RAPH1: variants seen among roughly 807,000 people sequenced by gnomAD.
RAPH1 encodes Ras association (RalGDS/AF-6) and pleckstrin homology domains 1.
A neutral mutation model predicts 88.1 loss-of-function variants in RAPH1; 18 were observed. The ratio of observed to expected loss-of-function variants is 0.20; its 90% CI spans 0.14 to 0.30. The LOEUF is 0.30. Ranked by LOEUF, RAPH1 falls within the 10% of genes least tolerant of loss-of-function variation. The pLI is 1.00. For missense variants in RAPH1, 1,448 were observed against 1,543.2 expected, an observed-to-expected ratio of 0.94 and a Z score of 1.03; for synonymous variants, 587 against 559.0, an observed-to-expected ratio of 1.05 and a Z score of -0.71.
intron 4 of RAPH1, among the ~76,000 whole-genome samples, chr2:203,485,295 C>T (rs1687915533): frequency 6.6e-6 from 1 of 151,840 alleles, no homozygotes; most frequent in Non-Finnish European, 1.5e-5. Context: ...CTTGTAATCC[C>T]TGCTACTCGG....
chr2:203,491,039 T>C lies in RAPH1; in HGVS notation c.226+175A>G, dbSNP rs377504971. Among the ~76,000 whole-genome samples the C allele has an allele frequency of 1.7e-3, 251 of 143,500 alleles. 3 individuals carry two copies. The highest frequency in any genetic ancestry group is 6.2e-3 in the African/African-American group (242 of 38,914). 94.1% of individuals were successfully genotyped at this position (143,500 alleles called of 152,430 possible). On this transcript the variant is annotated intron_variant, in intron 3 of 13. Coordinates refer to ENST00000319170, the MANE Select transcript of RAPH1 (RefSeq NM_213589.3). The stretch of plus-strand genomic sequence containing the variant: ...AGCCTGGGCGACAAAAGCGAAACTC[T>C]GTCTCAAAAAAAAAAAAAAAAGAAA...
chr2:203,438,407 A>G lies in RAPH1; in HGVS notation c.*1030T>C. 2.9e-6 allele frequency: 1 copy of G among 345,840 alleles called. No individual in the cohort carries two copies. The allele number at this position is 345,840 out of a possible 1,614,324, so 21.4% of individuals were successfully genotyped here. On this transcript the variant is annotated 3_prime_UTR_variant, in exon 14 of 14. Coordinates refer to ENST00000319170, the MANE Select transcript of RAPH1 (RefSeq NM_213589.3). ...TTTTCATAATGCACCATATTGGGGC[A>G]CAGGATGTGTATATTTCATATACCA...
chr2:203,458,638 G>A (rs929978088), intron 7 of RAPH1, among the ~76,000 whole-genome samples: 3 of 152,144 alleles, frequency 2.0e-5, no homozygotes, highest in Non-Finnish European at 2.9e-5. Context: ...GTACTCAAGC[G>A]TGGCATATTC....
chr2:203,454,072 TAA>T (rs2098517146), intron 10 of RAPH1, among the ~76,000 whole-genome samples: 1 of 152,112 alleles, frequency 6.6e-6, no homozygotes, highest in Non-Finnish European at 1.5e-5. Flanking sequence ...GTTTGCTGAG[TAA>T]GTACAGGAAA....
intron 1 of RAPH1, among the ~76,000 whole-genome samples, chr2:203,499,984 C>G (rs1250557863): frequency 6.6e-6 from 1 of 152,154 alleles, no homozygotes; most frequent in Non-Finnish European, 1.5e-5. Flanking sequence ...AGATACAGGA[C>G]AGCAGAGTGC....
rs2098501077 is a variant in RAPH1 at position 203,439,297 on chromosome 2, C to A, written c.*140G>T. On this transcript the variant is annotated 3_prime_UTR_variant, in exon 14 of 14. Coordinates refer to ENST00000319170, the MANE Select transcript of RAPH1 (RefSeq NM_213589.3). Reference sequence around the variant, plus strand: ...ACAGCTGTGTGTACATGCACGTGTACACACACACATACACATATAGCTGGA... The same window carrying A: ...ACAGCTGTGTGTACATGCACGTGTAAACACACACATACACATATAGCTGGA... The A allele has an allele frequency of 1.4e-5, 10 of 697,810 alleles. No individual in the cohort carries two copies. In the South Asian group the frequency reaches 1.8e-4, roughly 13 times the overall value. 43.2% of individuals were successfully genotyped at this position (697,810 alleles called of 1,614,324 possible). A position where few individuals can be genotyped will look rare whatever the true frequency, so the allele number is the denominator to read the frequency against.
At chr2:203,510,804 A>T (rs1457498595) in intron 1 of RAPH1, among the ~76,000 whole-genome samples, 1 of 152,182 alleles carries the variant, frequency 6.6e-6, no homozygotes, top group Non-Finnish European at 1.5e-5. Context: ...ACACTTTAAA[A>T]GAGTAAATGT....
chr2:203,481,908 A>G (rs915913524), intron 4 of RAPH1, among the ~76,000 whole-genome samples: 40 of 151,508 alleles, frequency 2.6e-4, no homozygotes, highest in African/African-American at 9.0e-4. Flanking sequence ...GGCCACATGA[A>G]TATATTTCTA....
At position 203,439,523 on chromosome 2, in the gene RAPH1, T is replaced by C. The variant is rs201909094; in HGVS notation, c.3667A>G (p.Ile1223Val). The C allele has an allele frequency of 2.5e-5, 40 of 1,614,092 alleles. No homozygotes were observed. Among genetic ancestry groups the C allele is most frequent in the South Asian group, 9.9e-5 (9 of 91,084 alleles). The change falls in exon 14 of 14, where the codon ATA becomes GTA. Residue 1223 changes from isoleucine (I) to valine (V), a missense_variant. This residue lies in a region of RAPH1 where 935 missense variants were observed against 890.1 expected (regional missense o/e 1.05). Transcript: ENST00000319170. ...QQKAGYGGSH[I>V]SGYATLRRGP... ...CTCCGCAACGTTGCATAGCCTGATA[T>C]ATGACTGCCTCCGTAACCAGCCTTC...
chr2:203,446,391 T>TG (rs2098509687), intron 12 of RAPH1: 1 of 152,206 alleles, frequency 6.6e-6, no homozygotes. Context: ...CTTGACCACA[T>TG]GGTTGTGGCA....
chr2:203,505,854 C>T (rs958084326), intron 1 of RAPH1, among the ~76,000 whole-genome samples: 3 of 152,190 alleles, frequency 2.0e-5, no homozygotes, highest in Non-Finnish European at 4.4e-5. Context: ...CGCACGCACA[C>T]ACACACACGG....
intron 1 of RAPH1, among the ~76,000 whole-genome samples, chr2:203,530,520 T>C (rs1292242057): frequency 1.3e-5 from 2 of 152,220 alleles, no homozygotes; most frequent in African/African-American, 4.8e-5. Context: ...AAAAGCTTTA[T>C]TCTTAGGAAT....
At chr2:203,488,056 T>C (rs568403715) in intron 4 of RAPH1, among the ~76,000 whole-genome samples, 31 of 152,348 alleles carry the variant, frequency 2.0e-4, no homozygotes, top group South Asian at 8.3e-4. Context: ...ATTGGAAAGG[T>C]TGACTTAACT....
In RAPH1 at chr2:203,440,345, T is replaced by C. The variant is rs1244998098; in HGVS notation, c.2845A>G (p.Thr949Ala). The C allele has an allele frequency of 3.1e-6, 5 of 1,608,610 alleles. No individual in the cohort carries two copies. Among genetic ancestry groups the C allele is most frequent in the African/African-American group, 2.7e-5 (2 of 73,866 alleles). ...CCTGGAGATCCACTTTTGTCAGGGG[T>C]AGGAGAAGCTGTGGGTGGAGGTGGT... ...PPPPPPTASP[T>A]PDKSGSPGKK... Residue 949 changes from threonine to alanine, a missense_variant, in exon 14 of 14, where the codon ACC becomes GCC. This residue lies in a region of RAPH1 where 935 missense variants were observed against 890.1 expected (regional missense o/e 1.05). Transcript: ENST00000319170.
intron 1 of RAPH1, among the ~76,000 whole-genome samples, chr2:203,505,447 C>CG (rs990060917): frequency 3.3e-5 from 5 of 151,920 alleles, no homozygotes; most frequent in South Asian, 2.1e-4. Context: ...AATTACCCCC[C>CG]CCGGGTCCCT....
chr2:203,442,117 T>G (rs2098504811), intron 13 of RAPH1: 1 of 1,568,012 alleles, frequency 6.4e-7, no homozygotes, highest in Non-Finnish European at 8.6e-7. Flanking sequence ...GTAAACATTA[T>G]AGCAAAAGAC....
At position 203,444,994 on chromosome 2, in the gene RAPH1, G is replaced by A; in HGVS notation, c.1650C>T (p.His550=). 6.2e-7 allele frequency: 1 copy of A among 1,613,734 alleles called. No individual in the cohort carries two copies. Among genetic ancestry groups the A allele is most frequent in the Non-Finnish European group, 8.5e-7 (1 of 1,179,914 alleles). ...AAACTCCGCTATCAGACTGATTGGAGTGGTTTGACTGAGACTCTGTTTAAA... is the reference window on the plus strand; with the variant it reads ...AAACTCCGCTATCAGACTGATTGGAATGGTTTGACTGAGACTCTGTTTAAA... ...SSSIPESQSN[H]SNQSDSGVSD... is the part of the protein sequence containing the mutation. The change falls in exon 13 of 14, where the codon CAC becomes CAT. Residue 550 remains histidine (H), a synonymous_variant. Transcript: ENST00000319170.
intron 3 of RAPH1, among the ~76,000 whole-genome samples, chr2:203,490,878 A>T (rs1382928270): frequency 6.6e-6 from 1 of 151,940 alleles, no homozygotes; most frequent in Non-Finnish European, 1.5e-5. Flanking sequence ...CCCTATCTCT[A>T]CTTAAAAAAT....
In RAPH1 at chr2:203,441,282, A is replaced by G. The variant is rs777698648; in HGVS notation, c.1908T>C (p.Pro636=). Residue 636 remains proline, a synonymous_variant, in exon 14 of 14, where the codon CCT becomes CCC. Coordinates refer to ENST00000319170, the MANE Select transcript of RAPH1 (RefSeq NM_213589.3). ...GGGGTGGTGGAGGGGGTGGTGGAGG[A>G]GGAGGTGGGGGTGGCGGAGGAGGTA... ...PPLPPPPPPP[P]PPPPPPPPPP... 68 of 353,710 alleles carry G rather than the reference A, an allele frequency of 1.9e-4. No homozygotes were observed. In the African/African-American group the frequency reaches 2.4e-3, roughly 13 times the overall value. 21.9% of individuals were successfully genotyped at this position (353,710 alleles called of 1,614,324 possible). A position where few individuals can be genotyped will look rare whatever the true frequency, so the allele number is the denominator to read the frequency against.
Sources: allele counts gnomAD v4.1 joint callset (sites outside exome capture counted in the v4.1 genomes callset), GRCh38; gene constraint gnomAD v4.1.1; regional missense constraint gnomAD v4.1.1; transcripts MANE v1.5; gene names NCBI Gene and HGNC (gene_info 2026-07-23, HGNC 2026-07-21).